Variants in FRMD3 observed in about 807,000 individuals in gnomAD.
The protein encoded by FRMD3 is FERM domain-containing protein 3.
In FRMD3, 33 loss-of-function variants were observed where a neutral mutation model predicts 70.2. The observed-to-expected ratio is 0.47, with a 90% CI of 0.36 to 0.63. The LOEUF (loss-of-function observed/expected upper bound fraction) is 0.63, where lower values mean the gene tolerates loss of function less well. Ranked by LOEUF, FRMD3 falls within the 20% of genes least tolerant of loss-of-function variation. The pLI, the probability that FRMD3 is intolerant of heterozygous loss-of-function variation, is 0.00. For missense variants in FRMD3, 632 were observed against 711.4 expected, an observed-to-expected ratio of 0.89 and a Z score of 1.27; for synonymous variants, 279 against 255.9, an observed-to-expected ratio of 1.09 and a Z score of -0.86.
intron 1 of FRMD3, among the ~76,000 whole-genome samples, chr9:83,398,072 A>G (rs1177382509): frequency 6.6e-6 from 1 of 152,204 alleles, no homozygotes; most frequent in Non-Finnish European, 1.5e-5. Context: ...TATAAGAAAG[A>G]TTGTAGCTTG....
intron 10 of FRMD3, among the ~76,000 whole-genome samples, chr9:83,301,452 T>G (rs1834922091): frequency 6.6e-6 from 1 of 151,872 alleles, no homozygotes; most frequent in South Asian, 2.1e-4. Flanking sequence ...TAAAGAAGCT[T>G]CTATTTTTTA....
intron 1 of FRMD3, among the ~76,000 whole-genome samples, chr9:83,479,690 AAGAAAGAAAGAAAGAAAG>A (rs1321650314): frequency 1.3e-5 from 1 of 77,046 alleles, no homozygotes; most frequent in African/African-American, 7.0e-5. Flanking sequence ...GAAAGAAAGA[AAGAAAGAAAGAAAGAAAG>A]AAAGAAAGAA....
intron 1 of FRMD3, among the ~76,000 whole-genome samples, chr9:83,443,709 T>C (rs1827374104): frequency 6.6e-6 from 1 of 152,198 alleles, no homozygotes; most frequent in African/African-American, 2.4e-5. Flanking sequence ...CCTCGAGGAA[T>C]CGCCACACTG....
At chr9:83,481,036 A>G (rs186053873) in intron 1 of FRMD3, among the ~76,000 whole-genome samples, 1 of 152,242 alleles carries the variant, frequency 6.6e-6, no homozygotes, top group Admixed American at 6.5e-5. Context: ...ATGAAAACAC[A>G]TAGATGCAAG....
intron 1 of FRMD3, among the ~76,000 whole-genome samples, chr9:83,477,776 C>A (rs1333368446): frequency 1.3e-5 from 2 of 152,144 alleles, no homozygotes; most frequent in African/African-American, 4.8e-5. Context: ...TCTCCAGTCT[C>A]CGTTGCCTGG....
At chr9:83,332,289 G>T (rs12349916) in intron 6 of FRMD3, among the ~76,000 whole-genome samples, 1 of 152,064 alleles carries the variant, frequency 6.6e-6, no homozygotes, top group Non-Finnish European at 1.5e-5. Context: ...TTTACCTTCA[G>T]TCATCAATCT....
intron 1 of FRMD3, among the ~76,000 whole-genome samples, chr9:83,422,107 C>A (rs1826662696): frequency 6.6e-6 from 1 of 152,140 alleles, no homozygotes; most frequent in Non-Finnish European, 1.5e-5. Flanking sequence ...TGCCTGTAAT[C>A]CCAGCTACTC....
intron 13 of FRMD3, among the ~76,000 whole-genome samples, chr9:83,258,832 C>T (rs900906638): frequency 3.9e-5 from 6 of 152,192 alleles, no homozygotes; most frequent in Admixed American, 6.5e-5. Flanking sequence ...CTCTCTCCCC[C>T]GTGAGCATGA....
At chr9:83,501,413 A>G (rs140271516) in intron 1 of FRMD3, among the ~76,000 whole-genome samples, 1,996 of 152,340 alleles carry the variant, frequency 0.013, 24 homozygotes, top group Admixed American at 0.026. Flanking sequence ...AGGTACCCCA[A>G]TAATTTTTCA....
intron 3 of FRMD3, among the ~76,000 whole-genome samples, chr9:83,353,907 T>G (rs1824247570): frequency 6.6e-6 from 1 of 151,730 alleles, no homozygotes; most frequent in Non-Finnish European, 1.5e-5. Flanking sequence ...TTAGCAGCTG[T>G]GAACAGACAA....
At chr9:83,354,958 T>A (rs1023763521) in intron 3 of FRMD3, among the ~76,000 whole-genome samples, 6 of 152,194 alleles carry the variant, frequency 3.9e-5, no homozygotes, top group Admixed American at 3.3e-4. Context: ...TTGGGGGTCA[T>A]CTTTAACCCC....
intron 2 of FRMD3, among the ~76,000 whole-genome samples, chr9:83,378,460 AATATACATATAAAATTTATATATAT>A (rs1825221985): frequency 3.3e-5 from 3 of 91,106 alleles, no homozygotes; most frequent in Admixed American, 1.2e-4. Context: ...ATATATATAT[AATATACATATAAAATTTATATATAT>A]AATATACATA....
intron 1 of FRMD3, among the ~76,000 whole-genome samples, chr9:83,414,414 T>A: frequency 6.6e-6 from 1 of 151,830 alleles, no homozygotes; most frequent in South Asian, 2.1e-4. Flanking sequence ...TCATCATGAG[T>A]TTGGAGTAGA....
At chr9:83,431,498 AT>A (rs941861199) in intron 1 of FRMD3, among the ~76,000 whole-genome samples, 3 of 151,778 alleles carry the variant, frequency 2.0e-5, no homozygotes, top group South Asian at 2.1e-4. Flanking sequence ...TTCTATTCTG[AT>A]TTTTTTCCCT....
At chr9:83,467,377 G>A (rs1175817290) in intron 1 of FRMD3, among the ~76,000 whole-genome samples, 1 of 152,074 alleles carries the variant, frequency 6.6e-6, no homozygotes, top group Non-Finnish European at 1.5e-5. Context: ...TTCCTCTAAG[G>A]GGAAAGATAA....
intron 13 of FRMD3, chr9:83,267,215 T>G: frequency 6.5e-7 from 1 of 1,547,684 alleles, no homozygotes; most frequent in Non-Finnish European, 8.7e-7. Context: ...CCATTCTGTT[T>G]TAAAGGACCT....
At chr9:83,343,387 C>T in intron 4 of FRMD3, 100 bp from the exon 5 acceptor site, 1 of 795,212 alleles carries the variant, frequency 1.3e-6, no homozygotes, top group Non-Finnish European at 2.1e-6. Context: ...AGAGCTTTTC[C>T]CAGCTCTAGA....
intron 13 of FRMD3, among the ~76,000 whole-genome samples, chr9:83,260,685 C>T (rs199995455): frequency 3.9e-5 from 6 of 152,196 alleles, no homozygotes; most frequent in Non-Finnish European, 5.9e-5. Context: ...CTGGCTGTTG[C>T]GGGACTTAAT....
chr9:83,245,482 T>A lies in FRMD3; in HGVS notation c.*2436A>T. On this transcript the variant is annotated 3_prime_UTR_variant, in exon 14 of 14. Coordinates refer to ENST00000304195, the MANE Select transcript of FRMD3 (RefSeq NM_174938.6). ...GTCAACTTCTTCACTTAAAAACATT[T>A]CTATTCAACAATGAAGTTTCCACCT... 1 of 984,468 alleles carries A rather than the reference T, an allele frequency of 1.0e-6. No homozygotes were observed. Among genetic ancestry groups the A allele is most frequent in the Non-Finnish European group, 1.2e-6 (1 of 829,048 alleles). 61.0% of individuals were successfully genotyped at this position (984,468 alleles called of 1,614,324 possible). A position where few individuals can be genotyped will look rare whatever the true frequency, so the allele number is the denominator to read the frequency against.
Sources: allele counts gnomAD v4.1 joint callset (sites outside exome capture counted in the v4.1 genomes callset), GRCh38; gene constraint gnomAD v4.1.1; transcripts MANE v1.5; gene names NCBI Gene and HGNC (gene_info 2026-07-23, HGNC 2026-07-21).